Variants in MGMT observed in about 807,000 individuals in gnomAD.
MGMT encodes the protein methylated-DNA--protein-cysteine methyltransferase.
In MGMT, 14 loss-of-function variants were observed where a neutral mutation model predicts 15.9. The observed-to-expected ratio is 0.88, with a 90% confidence interval of 0.58 to 1.37. MGMT has a LOEUF of 1.37. Among genes scored for constraint, MGMT ranks in the 40% most tolerant of loss-of-function variants. The pLI, the probability that MGMT is intolerant of heterozygous loss-of-function variation, is 0.00. For missense variants in MGMT, 282 were observed against 268.1 expected (o/e 1.05, Z -0.36); for synonymous variants, 130 against 118.2 (o/e 1.10, Z -0.65).
chr10:129,586,102 T>A (rs893967858), intron 2 of MGMT, among the ~76,000 whole-genome samples: 3 of 152,216 alleles, frequency 2.0e-5, no homozygotes, highest in Non-Finnish European at 2.9e-5. Flanking sequence ...CTACTCAGAA[T>A]GGTGTGCAAT....
At chr10:129,661,079 C>T (rs1180247489) in intron 2 of MGMT, among the ~76,000 whole-genome samples, 1 of 152,154 alleles carries the variant, frequency 6.6e-6, no homozygotes, top group Non-Finnish European at 1.5e-5. Flanking sequence ...CTGGAGAGTA[C>T]ATAGTATATT....
intron 3 of MGMT, among the ~76,000 whole-genome samples, chr10:129,744,963 T>C (rs1009165819): frequency 2.6e-5 from 4 of 152,126 alleles, no homozygotes; most frequent in Non-Finnish European, 4.4e-5. Flanking sequence ...CTACTCTAGG[T>C]CATCCACAGT....
intron 1 of MGMT, among the ~76,000 whole-genome samples, chr10:129,506,829 ACTC>A (rs146652058): frequency 0.031 from 4,785 of 152,040 alleles, 118 homozygotes; most frequent in South Asian, 0.067. Context: ...ATTGTTCAAA[ACTC>A]CTCCTCCTAT....
Position 129,566,987 on chromosome 10 carries a change from T to A in MGMT, c.125+30610T>A, listed in dbSNP as rs1026053669. Among the ~76,000 whole-genome samples, 1 of 152,206 alleles carries A rather than the reference T, an allele frequency of 6.6e-6. No homozygotes were observed. Among genetic ancestry groups the A allele is most frequent in the East Asian group, 1.9e-4 (1 of 5,166 alleles). On this transcript the variant is annotated intron_variant, in intron 2 of 4. Coordinates refer to ENST00000651593, the MANE Select transcript of MGMT (RefSeq NM_002412.5). This position sits in a 1 kb window ranked among gnomAD's most constrained non-coding sequence, Gnocchi z 4.1. Reference sequence around the variant, plus strand: ...GTGACACGTAACTGTTACAAATGGGTGCCTGTCCCTGTCACGTCACCGGAG... The same window carrying A: ...GTGACACGTAACTGTTACAAATGGGAGCCTGTCCCTGTCACGTCACCGGAG...
Position 129,708,028 on chromosome 10 carries a change from C to G in MGMT, c.259C>G (p.Pro87Ala), listed in dbSNP as rs749585004. 5.0e-6 allele frequency: 8 copies of G among 1,612,546 alleles called. No homozygotes were observed. In the Admixed American group the frequency reaches 5.0e-5, roughly 10 times the overall value. ...EEFPVPALHHPVFQQESFTRQ... is the reference protein window; with the variant it reads ...EEFPVPALHHAVFQQESFTRQ... ...GTTCCCCGTGCCGGCTCTTCACCAT[C>G]CCGTTTTCCAGCAAGGTCGGTAACT... Residue 87 changes from proline (P) to alanine (A), a missense_variant, in exon 3 of 5, where the codon CCC becomes GCC. By Grantham distance (27) the Pro-to-Ala change is conservative. Coordinates refer to ENST00000651593, the MANE Select transcript of MGMT (RefSeq NM_002412.5).
At chr10:129,467,322 C>G (rs533472872) in intron 1 of MGMT, 26 bp downstream of exon 1, 2 of 1,531,044 alleles carry the variant, frequency 1.3e-6, no homozygotes, top group Admixed American at 2.1e-5. Flanking sequence ...GCCTCGCTCC[C>G]GGAAGAGTGC....
intron 3 of MGMT, among the ~76,000 whole-genome samples, chr10:129,756,673 T>C (rs907804273): frequency 6.6e-6 from 1 of 152,154 alleles, no homozygotes; most frequent in Admixed American, 6.5e-5. Flanking sequence ...TTTCACCATA[T>C]TGGCTAGGAT....
chr10:129,575,590 C>G (rs1846471403), intron 2 of MGMT, among the ~76,000 whole-genome samples: 1 of 148,556 alleles, frequency 6.7e-6, no homozygotes, highest in African/African-American at 2.5e-5. Context: ...CAGGAAAGAT[C>G]TAAAATTGAC....
At position 129,766,888 on chromosome 10, in the gene MGMT, A is replaced by C. The variant is rs1036700765; in HGVS notation, c.515A>C (p.Glu172Ala). The C allele has an allele frequency of 3.5e-5, 57 of 1,613,448 alleles. No individual in the cohort carries two copies. Among genetic ancestry groups the C allele is most frequent in the Non-Finnish European group, 4.7e-5 (56 of 1,180,024 alleles). Residue 172 changes from glutamate to alanine, a missense_variant, in exon 5 of 5, where the codon GAA (glutamate) becomes GCA (alanine). Glu to Ala is a moderately radical substitution (Grantham distance 107). Transcript: ENST00000651593. The part of the protein sequence containing the change: ...LAVKEWLLAH[E>A]GHRLGKPGLG... The stretch of plus-strand genomic sequence containing the variant: ...GTGAAGGAATGGCTTCTGGCCCATG[A>C]AGGCCACCGGTTGGGGAAGCCAGGC...
intron 2 of MGMT, among the ~76,000 whole-genome samples, chr10:129,635,005 G>A (rs1847249514): frequency 6.6e-6 from 1 of 152,158 alleles, no homozygotes; most frequent in South Asian, 2.1e-4. Flanking sequence ...TGACTCTTTT[G>A]GGTCTTGCTT....
At position 129,659,359 on chromosome 10, in the gene MGMT, G is replaced by GAAAAAAAAA. The variant is rs758707637; in HGVS notation, c.126-48530_126-48522dup. Reference sequence around the variant, plus strand: ...GTGGCAGAGCGAGACTCCCTGTGTGGAAAAAAAAAAAAAAGATACTCAGAT... The same window carrying GAAAAAAAAA: ...GTGGCAGAGCGAGACTCCCTGTGTGGAAAAAAAAAAAAAAAAAAAAAAAGATACTCAGAT... On this transcript the variant is annotated intron_variant, in intron 2 of 4. Coordinates refer to ENST00000651593, the MANE Select transcript of MGMT (RefSeq NM_002412.5). The surrounding 1 kb of genome is among the most constrained non-coding windows in gnomAD (Gnocchi z 4.1). 1.4e-5 allele frequency among the ~76,000 whole-genome samples: 2 copies of GAAAAAAAAA among 141,368 alleles called. No homozygotes were observed. Among genetic ancestry groups the GAAAAAAAAA allele is most frequent in the African/African-American group, 5.2e-5 (2 of 38,408 alleles). 92.7% of individuals were successfully genotyped at this position (141,368 alleles called of 152,430 possible).
rs543381690 is a variant in MGMT at position 129,707,776 on chromosome 10, G to A, written c.126-119G>A. On this transcript the variant is annotated intron_variant, in intron 2 of 4. Transcript: ENST00000651593. ...TTTCTGCTGCACAGCTAGTTGAGAC[G>A]TGTGTGCCCATGAAGCAGCCACAGG... The A allele has an allele frequency of 2.6e-5, 35 of 1,341,586 alleles. 2 individuals carry two copies. The highest frequency in any genetic ancestry group is 2.2e-4 in the South Asian group (18 of 83,018). The allele number at this position is 1,341,586 out of a possible 1,614,324, so 83.1% of individuals were successfully genotyped here.
intron 3 of MGMT, among the ~76,000 whole-genome samples, chr10:129,716,224 G>T (rs75967772): frequency 0.038 from 5,742 of 152,320 alleles, 190 homozygotes; most frequent in Non-Finnish European, 0.047. Flanking sequence ...CCCTTCCAAA[G>T]ATTCAGGTTA....
At chr10:129,755,903 C>G (rs549478961) in intron 3 of MGMT, among the ~76,000 whole-genome samples, 1 of 152,314 alleles carries the variant, frequency 6.6e-6, no homozygotes, top group East Asian at 1.9e-4. Flanking sequence ...TGTCCTCCTG[C>G]CGTGCTCTGG....
intron 4 of MGMT, among the ~76,000 whole-genome samples, chr10:129,764,754 C>T (rs184334621): frequency 5.9e-5 from 9 of 152,330 alleles, no homozygotes; most frequent in Admixed American, 2.6e-4. Flanking sequence ...AGCCTGGACA[C>T]GCCCCAACCT....
intron 2 of MGMT, among the ~76,000 whole-genome samples, chr10:129,687,591 G>T (rs1589936914): frequency 6.6e-6 from 1 of 152,046 alleles, no homozygotes; most frequent in Non-Finnish European, 1.5e-5. Context: ...GCACACGTAG[G>T]CCCTTAGCTT....
chr10:129,675,724 C>T (rs1476800271), intron 2 of MGMT, among the ~76,000 whole-genome samples: 1 of 152,188 alleles, frequency 6.6e-6, no homozygotes, highest in Non-Finnish European at 1.5e-5. Flanking sequence ...ACTGCTGCTG[C>T]TGTGATCTCC....
chr10:129,504,091 A>G (rs1845601691), intron 1 of MGMT, among the ~76,000 whole-genome samples: 1 of 152,220 alleles, frequency 6.6e-6, no homozygotes, highest in South Asian at 2.1e-4. Context: ...ATCTACATGT[A>G]CTATTTAAAT....
intron 3 of MGMT, among the ~76,000 whole-genome samples, chr10:129,734,489 A>C (rs1230124087): frequency 5.3e-5 from 8 of 151,534 alleles, no homozygotes; most frequent in Non-Finnish European, 7.4e-5. Context: ...CTGGATATAC[A>C]ATCATGTCAT....
Sources: gnomAD v4.1 joint callset for allele counts (sites outside exome capture counted in the v4.1 genomes callset) on GRCh38, gnomAD v4.1.1 for gene constraint, Gnocchi (gnomAD v3.1) non-coding constraint, MANE v1.5 for transcripts, NCBI Gene and HGNC (gene_info 2026-07-23, HGNC 2026-07-21) for gene names.